Variants in SUPT3H observed in about 807,000 individuals in gnomAD.
SUPT3H encodes SPT3 homolog, SAGA and STAGA complex component.
In SUPT3H, 44 loss-of-function variants were observed where a neutral mutation model predicts 44.3. The observed-to-expected ratio is 0.99, with a 90% CI of 0.78 to 1.28. The LOEUF (loss-of-function observed/expected upper bound fraction) is 1.28. Ranked by LOEUF, SUPT3H falls within the 50% of genes most tolerant of loss-of-function variation. SUPT3H has a pLI of 0.00. For synonymous variants in SUPT3H, 124 were observed against 125.6 expected, an observed-to-expected ratio of 0.99 and a Z score of 0.09; for missense variants, 380 against 387.1, an observed-to-expected ratio of 0.98 and a Z score of 0.15.
chr6:44,895,122 T>C (rs1406654559), intron 10 of SUPT3H, among the ~76,000 whole-genome samples: 2 of 152,126 alleles, frequency 1.3e-5, no homozygotes, highest in Non-Finnish European at 2.9e-5. Flanking sequence ...ACACAGACAA[T>C]GAATTGAACC....
At chr6:45,228,282 G>C (rs1055479619) in intron 2 of SUPT3H, among the ~76,000 whole-genome samples, 3 of 152,154 alleles carry the variant, frequency 2.0e-5, no homozygotes, top group Non-Finnish European at 4.4e-5. Flanking sequence ...ATTTAAATCA[G>C]CAAACTAAGC....
chr6:44,998,953 CGTT>C (rs1403716584), intron 6 of SUPT3H, among the ~76,000 whole-genome samples: 5 of 151,852 alleles, frequency 3.3e-5, no homozygotes, highest in African/African-American at 4.8e-5. Flanking sequence ...GGACTTTTCT[CGTT>C]GTTACTATCT....
intron 2 of SUPT3H, among the ~76,000 whole-genome samples, chr6:45,204,681 C>G (rs1314424550): frequency 1.3e-5 from 2 of 152,178 alleles, no homozygotes; most frequent in African/African-American, 4.8e-5. Flanking sequence ...ATTTCCAAAT[C>G]TTGATGCAGT....
In SUPT3H at chr6:45,081,487, T is replaced by G. The variant is rs1795804741; in HGVS notation, c.186+24435A>C. On this transcript the variant is annotated intron_variant, in intron 3 of 10. Coordinates refer to ENST00000371459, the MANE Select transcript of SUPT3H (RefSeq NM_003599.4). Reference sequence around the variant, plus strand: ...TTATTCATTTACTTATTGTCCTTCTTGCATACCAAAATATAAGCTCCATTA... The same window carrying G: ...TTATTCATTTACTTATTGTCCTTCTGGCATACCAAAATATAAGCTCCATTA... 2.0e-5 allele frequency among the ~76,000 whole-genome samples: 3 copies of G among 152,112 alleles called. No individual in the cohort carries two copies. The South Asian group carries it at 6.2e-4, about 32-fold the overall frequency.
At chr6:45,058,261 A>G (rs1383136048) in intron 3 of SUPT3H, among the ~76,000 whole-genome samples, 1 of 152,160 alleles carries the variant, frequency 6.6e-6, no homozygotes, top group Admixed American at 6.5e-5. Flanking sequence ...TCTTAGTCCT[A>G]GAAATTATGC....
At chr6:44,998,003 T>C (rs1781499758) in intron 6 of SUPT3H, among the ~76,000 whole-genome samples, 1 of 151,910 alleles carries the variant, frequency 6.6e-6, no homozygotes, top group Non-Finnish European at 1.5e-5. Flanking sequence ...TTGTGATACA[T>C]TTTTCATTAT....
intron 10 of SUPT3H, among the ~76,000 whole-genome samples, chr6:44,830,904 C>G (rs564819248): frequency 3.5e-4 from 47 of 135,236 alleles, no homozygotes; most frequent in Non-Finnish European, 5.9e-4. Flanking sequence ...TTAAGAAATA[C>G]AGAATAACCT....
rs66480751 is a variant in SUPT3H at position 45,230,662 on chromosome 6, C to CTATATATATATATATATA, written c.102-124674_102-124657dup. Among the ~76,000 whole-genome samples the CTATATATATATATATATA allele has an allele frequency of 1.5e-3, 102 of 68,696 alleles. 2 individuals carry two copies. The highest frequency in any genetic ancestry group is 4.5e-3 in the African/African-American group (87 of 19,178). The allele number at this position is 68,696 out of a possible 152,430, so 45.1% of individuals were successfully genotyped here. A position where few individuals can be genotyped will look rare whatever the true frequency, so the allele number is the denominator to read the frequency against. On this transcript the variant is annotated intron_variant, in intron 2 of 10. Transcript: ENST00000371459. ...AAATCATGTTTTAAATTCATTCAGT[C>CTATATATATATATATATA]TATATATATATATATATATATATAT...
chr6:44,949,815 G>A (rs1286504708), intron 9 of SUPT3H, among the ~76,000 whole-genome samples: 1 of 152,192 alleles, frequency 6.6e-6, no homozygotes, highest in Admixed American at 6.5e-5. Flanking sequence ...GGAGCAACTG[G>A]AACTCTAATA....
intron 10 of SUPT3H, among the ~76,000 whole-genome samples, chr6:44,845,867 C>T (rs1771781338): frequency 6.6e-6 from 1 of 152,190 alleles, no homozygotes; most frequent in South Asian, 2.1e-4. Flanking sequence ...CATGTGTGAT[C>T]TGATTTTTCC....
chr6:45,200,401 A>C (rs1173137853), intron 2 of SUPT3H, among the ~76,000 whole-genome samples: 3 of 151,530 alleles, frequency 2.0e-5, no homozygotes, highest in Non-Finnish European at 4.4e-5. Context: ...TACATTAATA[A>C]AAAATTAACC....
At position 45,058,233 on chromosome 6, in the gene SUPT3H, C is replaced by G. The variant is rs139247063; in HGVS notation, c.187-37601G>C. Among the ~76,000 whole-genome samples the G allele has an allele frequency of 1.9e-3, 287 of 152,162 alleles. 1 individual carries two copies. The highest frequency in any genetic ancestry group is 3.4e-3 in the Admixed American group (52 of 15,278). Reference sequence around the variant, plus strand: ...GAGATCAGAGCCTCCAAACCTAAAACAAACCCTCACACCAGACTCTTAGTC... The same window carrying G: ...GAGATCAGAGCCTCCAAACCTAAAAGAAACCCTCACACCAGACTCTTAGTC... On this transcript the variant is annotated intron_variant, in intron 3 of 10. Transcript: ENST00000371459.
chr6:45,135,777 C>T (rs1804180032), intron 2 of SUPT3H, among the ~76,000 whole-genome samples: 1 of 152,202 alleles, frequency 6.6e-6, no homozygotes, highest in African/African-American at 2.4e-5. Flanking sequence ...CTTCTAACTT[C>T]CGGAACTATG....
chr6:45,046,258 C>T (rs1000413897), intron 3 of SUPT3H, among the ~76,000 whole-genome samples: 1 of 152,082 alleles, frequency 6.6e-6, no homozygotes. Context: ...TTTATATCTG[C>T]ATTTCTTATT....
intron 9 of SUPT3H, among the ~76,000 whole-genome samples, chr6:44,939,237 A>G (rs1771995492): frequency 1.3e-5 from 2 of 152,048 alleles, no homozygotes; most frequent in South Asian, 4.1e-4. Context: ...TGTGAGGTAT[A>G]TTCCTTTTAG....
intron 2 of SUPT3H, among the ~76,000 whole-genome samples, chr6:45,364,909 A>G (rs904716660): frequency 6.6e-5 from 10 of 152,328 alleles, no homozygotes; most frequent in African/African-American, 1.9e-4. Flanking sequence ...TAAACAATAC[A>G]TAACACAGAC....
chr6:45,019,012 C>T (rs1335327687), intron 4 of SUPT3H, among the ~76,000 whole-genome samples: 1 of 152,142 alleles, frequency 6.6e-6, no homozygotes, highest in Non-Finnish European at 1.5e-5. Context: ...TTGATTATTG[C>T]CACAATTTCA....
chr6:45,141,673 A>C (rs973064628), intron 2 of SUPT3H, among the ~76,000 whole-genome samples: 1 of 152,074 alleles, frequency 6.6e-6, no homozygotes, highest in Non-Finnish European at 1.5e-5. Context: ...TTTTAAGTGC[A>C]GACAGCCTCC....
In SUPT3H at chr6:44,851,612, GC is replaced by G. The variant is rs1469136946; in HGVS notation, c.913-21756del. Reference sequence around the variant, plus strand: ...AACTTGTCAAAATGATCCCCGGTTAGCCTTTTGAATTTCCATACCAATGGAG... The same window carrying G: ...AACTTGTCAAAATGATCCCCGGTTAGCTTTTGAATTTCCATACCAATGGAG... On this transcript the variant is annotated intron_variant, in intron 10 of 10. Coordinates refer to ENST00000371459, the MANE Select transcript of SUPT3H (RefSeq NM_003599.4). Among the ~76,000 whole-genome samples, 7 of 152,188 alleles carry G rather than the reference GC, an allele frequency of 4.6e-5. No homozygotes were observed. The East Asian group carries it at 1.2e-3, about 25-fold the overall frequency.
Sources: gnomAD v4.1 joint callset for allele counts (sites outside exome capture counted in the v4.1 genomes callset) on GRCh38, gnomAD v4.1.1 for gene constraint, MANE v1.5 for transcripts, NCBI Gene and HGNC (gene_info 2026-07-23, HGNC 2026-07-21) for gene names.